KHDRBS2: variants seen among roughly 807,000 people sequenced by gnomAD.
KHDRBS2 encodes the protein KH RNA binding domain containing, signal transduction associated 2, also known as KH domain-containing, RNA-binding, signal transduction-associated protein 2.
Under a neutral mutation model 44.3 loss-of-function variants are expected in KHDRBS2, and 26 were observed. The ratio of observed to expected loss-of-function variants is 0.59; its 90% CI spans 0.43 to 0.81. The LOEUF is 0.81. Ranked by LOEUF, KHDRBS2 falls within the 40% of genes least tolerant of loss-of-function variation. The pLI, the probability that KHDRBS2 is intolerant of heterozygous loss-of-function variation, is 0.00. For synonymous variants in KHDRBS2, 194 were observed against 151.1 expected, an observed-to-expected ratio of 1.28 and a Z score of -2.08; for missense variants, 476 against 433.1, an observed-to-expected ratio of 1.10 and a Z score of -0.88.
the KHDRBS2 span, among the ~76,000 whole-genome samples, chr6:61,644,232 G>T: frequency 1.3e-5 from 2 of 152,094 alleles, no homozygotes; most frequent in Non-Finnish European, 2.9e-5. Flanking sequence ...AAATGGTGCT[G>T]GGATAACTGG....
chr6:61,708,173 G>A (rs1195187621), intron 7 of KHDRBS2, among the ~76,000 whole-genome samples: 1 of 151,518 alleles, frequency 6.6e-6, no homozygotes, highest in Non-Finnish European at 1.5e-5. Flanking sequence ...TTGCTTTGCT[G>A]AGAATTCAGT....
Position 62,063,126 on chromosome 6 carries a change from G to C in KHDRBS2, c.220-15132C>G, listed in dbSNP as rs1009228632. Reference sequence around the variant, plus strand: ...GACCAATAACAGGATCTGAAATTGAGGCAATAATCAATAGTTTACCAACCA... The same window carrying C: ...GACCAATAACAGGATCTGAAATTGACGCAATAATCAATAGTTTACCAACCA... On this transcript the variant is annotated intron_variant, in intron 2 of 8. Coordinates refer to ENST00000281156, the MANE Select transcript of KHDRBS2 (RefSeq NM_152688.4). Among the ~76,000 whole-genome samples the C allele has an allele frequency of 1.2e-4, 13 of 104,244 alleles. 1 individual carries two copies. Among genetic ancestry groups the C allele is most frequent in the Admixed American group, 5.1e-4 (5 of 9,854 alleles). 68.4% of individuals were successfully genotyped at this position (104,244 alleles called of 152,430 possible). A position where few individuals can be genotyped will look rare whatever the true frequency, so the allele number is the denominator to read the frequency against.
chr6:62,060,042 T>C (rs571972740), intron 2 of KHDRBS2, among the ~76,000 whole-genome samples: 1 of 151,946 alleles, frequency 6.6e-6, no homozygotes, highest in African/African-American at 2.4e-5. Context: ...TCTCTAGCTT[T>C]AAGCTAAGAT....
At chr6:61,807,252 G>C (rs925514489) in intron 6 of KHDRBS2, among the ~76,000 whole-genome samples, 1 of 152,112 alleles carries the variant, frequency 6.6e-6, no homozygotes, top group African/African-American at 2.4e-5. Context: ...AGCCATCGTG[G>C]AAAGCAGTGT....
At chr6:61,579,911 G>T in the KHDRBS2 span, among the ~76,000 whole-genome samples, 1 of 148,464 alleles carries the variant, frequency 6.7e-6, no homozygotes, top group South Asian at 2.2e-4. Flanking sequence ...TAGAAAATTA[G>T]CCAGGTGTGG....
chr6:62,277,935 AG>A lies in KHDRBS2; in HGVS notation c.91+7922del, dbSNP rs568566939. 4.6e-5 allele frequency among the ~76,000 whole-genome samples: 7 copies of A among 152,320 alleles called. No homozygotes were observed. In the South Asian group the frequency reaches 1.2e-3, roughly 27 times the overall value. ...ACCTCACAAGTATTTGGCAAATAAA[AG>A]ATGCAATCACTACAGAACTCTGCAC... On this transcript the variant is annotated intron_variant, in intron 1 of 8. Coordinates refer to ENST00000281156, the MANE Select transcript of KHDRBS2 (RefSeq NM_152688.4).
At chr6:62,157,323 TA>T (rs559571991) in intron 2 of KHDRBS2, among the ~76,000 whole-genome samples, 44 of 148,716 alleles carry the variant, frequency 3.0e-4, no homozygotes, top group African/African-American at 6.7e-4. Flanking sequence ...GAGACTCCTT[TA>T]AAAAAAAAAG....
chr6:61,612,826 T>C, the KHDRBS2 span, among the ~76,000 whole-genome samples: 1 of 148,752 alleles, frequency 6.7e-6, no homozygotes, highest in Non-Finnish European at 1.5e-5. Context: ...TCTAAAACTG[T>C]TCAAAATGCA....
chr6:62,107,498 C>T (rs1325933198), intron 2 of KHDRBS2, among the ~76,000 whole-genome samples: 8 of 152,056 alleles, frequency 5.3e-5, no homozygotes, highest in South Asian at 2.1e-4. Context: ...GAATCAATAT[C>T]GTGAAAATGG....
At chr6:61,759,381 C>G (rs1778947991) in intron 6 of KHDRBS2, among the ~76,000 whole-genome samples, 1 of 152,050 alleles carries the variant, frequency 6.6e-6, no homozygotes, top group African/African-American at 2.4e-5. Flanking sequence ...AAATGCAATG[C>G]CCATTCCCTT....
intron 4 of KHDRBS2, among the ~76,000 whole-genome samples, chr6:61,906,629 A>G (rs1385040918): frequency 6.6e-6 from 1 of 152,174 alleles, no homozygotes; most frequent in African/African-American, 2.4e-5. Flanking sequence ...TTTAGCTCTC[A>G]CATATGAGTG....
chr6:61,751,134 G>A (rs1473394033), intron 6 of KHDRBS2, among the ~76,000 whole-genome samples: 1 of 152,098 alleles, frequency 6.6e-6, no homozygotes, highest in Non-Finnish European at 1.5e-5. Context: ...AACCTTGTAT[G>A]ATTTCTAAAG....
At chr6:61,574,510 G>A in the KHDRBS2 span, 1 of 840,254 alleles carries the variant, frequency 1.2e-6, no homozygotes, top group Non-Finnish European at 1.8e-6. Flanking sequence ...ATTTCGGCTG[G>A]GGCGACCTCG....
chr6:61,545,897 C>G, the KHDRBS2 span, among the ~76,000 whole-genome samples: 1 of 152,218 alleles, frequency 6.6e-6, no homozygotes, highest in East Asian at 1.9e-4. Context: ...AGGCAGCCGT[C>G]TTCAACCCAA....
intron 6 of KHDRBS2, among the ~76,000 whole-genome samples, chr6:61,819,938 C>A (rs569271987): frequency 1.3e-5 from 2 of 151,942 alleles, no homozygotes; most frequent in Non-Finnish European, 2.9e-5. Flanking sequence ...AAGTTCTCAA[C>A]AATAAAAAGC....
At chr6:61,724,600 T>C (rs1773246287) in intron 7 of KHDRBS2, among the ~76,000 whole-genome samples, 1 of 151,934 alleles carries the variant, frequency 6.6e-6, no homozygotes, top group South Asian at 2.1e-4. Flanking sequence ...AGGCTCAAAA[T>C]AAAGGGATGG....
intron 2 of KHDRBS2, among the ~76,000 whole-genome samples, chr6:62,063,102 A>G (rs1053450960): frequency 4.8e-4 from 62 of 128,810 alleles, no homozygotes; most frequent in Non-Finnish European, 9.6e-4. Flanking sequence ...CTCTGAATAG[A>G]CCAATAACAG....
rs138214037 is a variant in KHDRBS2, at chr6:62,162,922, G to A, written c.219+14263C>T. 4.6e-5 allele frequency among the ~76,000 whole-genome samples: 7 copies of A among 151,754 alleles called. No homozygotes were observed. The East Asian group carries it at 1.2e-3, about 25-fold the overall frequency. ...TGTAGATGACAGGTAGAGTAGAAAC[G>A]GGGTAAGAAGAATACTGGTTGAATC... On this transcript the variant is annotated intron_variant, in intron 2 of 8. Coordinates refer to ENST00000281156, the MANE Select transcript of KHDRBS2 (RefSeq NM_152688.4).
At chr6:61,785,969 A>G (rs1400838867) in intron 6 of KHDRBS2, among the ~76,000 whole-genome samples, 1 of 151,990 alleles carries the variant, frequency 6.6e-6, no homozygotes, top group Non-Finnish European at 1.5e-5. Context: ...TGCTGACTAT[A>G]TCCTTGGCTA....
Sources: gnomAD v4.1 joint callset for allele counts (sites outside exome capture counted in the v4.1 genomes callset) on GRCh38, gnomAD v4.1.1 for gene constraint, MANE v1.5 for transcripts, NCBI Gene and HGNC (gene_info 2026-07-23, HGNC 2026-07-21) for gene names.